The following FYB1 variants were observed in gnomAD, a reference collection of about 807,000 sequenced individuals.
FYB1 encodes FYN binding protein 1.
In FYB1, 41 loss-of-function variants were observed where a neutral mutation model predicts 94.1. The observed-to-expected ratio is 0.44, with a 90% CI of 0.34 to 0.57. FYB1 has a LOEUF of 0.57. FYB1 is among the 20% of genes least tolerant of loss of function. The pLI is 0.02. For synonymous variants in FYB1, 367 were observed against 353.2 expected (o/e 1.04, Z -0.44); for missense variants, 1,050 against 976.8 (o/e 1.07, Z -1.00).
chr5:39,180,523 CA>C (rs1387866074), intron 2 of FYB1, among the ~76,000 whole-genome samples: 1 of 152,158 alleles, frequency 6.6e-6, no homozygotes, highest in Non-Finnish European at 1.5e-5. Flanking sequence ...CTGACCAGAC[CA>C]ACCCAGGAAG....
At chr5:39,263,610 C>T (rs1019369086) in intron 1 of FYB1, among the ~76,000 whole-genome samples, 12 of 152,136 alleles carry the variant, frequency 7.9e-5, no homozygotes, top group Admixed American at 2.6e-4. Flanking sequence ...AACCTTCTAG[C>T]TCCGTTTCCA....
chr5:39,109,390 A>T (rs577359810), intron 17 of FYB1, among the ~76,000 whole-genome samples: 1 of 152,096 alleles, frequency 6.6e-6, no homozygotes, highest in African/African-American at 2.4e-5. Flanking sequence ...AATTCTCTCA[A>T]TCAGCCTGTA....
chr5:39,112,459 A>G (rs956564233), intron 16 of FYB1, among the ~76,000 whole-genome samples: 1 of 152,082 alleles, frequency 6.6e-6, no homozygotes, highest in Non-Finnish European at 1.5e-5. Context: ...AAATTGGAAG[A>G]TAAATTAGAA....
At chr5:39,203,859 C>A (rs571068628) in intron 1 of FYB1, among the ~76,000 whole-genome samples, 1 of 152,218 alleles carries the variant, frequency 6.6e-6, no homozygotes, top group Non-Finnish European at 1.5e-5. Flanking sequence ...AGATAATAGG[C>A]ATTCATTTTT....
intron 2 of FYB1, among the ~76,000 whole-genome samples, chr5:39,175,283 A>G (rs1745618127): frequency 6.6e-6 from 1 of 152,212 alleles, no homozygotes; most frequent in South Asian, 2.1e-4. Context: ...GAGTTTGACA[A>G]CAGCAACTGG....
chr5:39,226,802 T>C (rs2150563737), intron 1 of FYB1, among the ~76,000 whole-genome samples: 1 of 152,336 alleles, frequency 6.6e-6, no homozygotes, highest in African/African-American at 2.4e-5. Context: ...GGCAAACTGC[T>C]ATTGTAACTA....
chr5:39,137,916 C>G (rs928989769), intron 6 of FYB1, 196 bp from the exon 7 acceptor site: 12 of 615,378 alleles, frequency 2.0e-5, no homozygotes, highest in Non-Finnish European at 3.3e-5. Flanking sequence ...GCTGAGGATA[C>G]CTTCCAAAGG....
intron 2 of FYB1, among the ~76,000 whole-genome samples, chr5:39,181,172 TTAAG>T (rs1436280211): frequency 6.6e-6 from 1 of 152,162 alleles, no homozygotes; most frequent in Non-Finnish European, 1.5e-5. Flanking sequence ...GTGGGAAATA[TTAAG>T]TAAGTTTTAG....
intron 1 of FYB1, among the ~76,000 whole-genome samples, chr5:39,244,360 G>A (rs1561303667): frequency 1.3e-5 from 2 of 152,018 alleles, no homozygotes; most frequent in South Asian, 4.1e-4. Flanking sequence ...AAGGACTGTT[G>A]AATTTTGTCA....
Position 39,130,602 on chromosome 5 carries a change from T to G in FYB1, c.1828A>C (p.Ser610Arg). ...EQDDISSHSQSGSGGIFPPPP... is the reference protein window; with the variant it reads ...EQDDISSHSQRGSGGIFPPPP... ...GCGTGTGGCTTACCTCCACTTCCAC[T>G]CTGACTGTGGCTAGAAAAGAAACCC... is the stretch of plus-strand genomic sequence containing the variant. The change falls in exon 10 of 19, where the codon AGT becomes CGT. Residue 610 changes from serine to arginine, a missense_variant. Coordinates refer to ENST00000512982, the MANE Select transcript of FYB1 (RefSeq NM_001465.6). The G allele has an allele frequency of 1.3e-6, 2 of 1,574,812 alleles. No homozygotes were observed. Among genetic ancestry groups the G allele is most frequent in the Non-Finnish European group, 1.7e-6 (2 of 1,157,928 alleles).
At chr5:39,184,049 G>GTATTA (rs1206616751) in intron 2 of FYB1, among the ~76,000 whole-genome samples, 8 of 152,140 alleles carry the variant, frequency 5.3e-5, no homozygotes, top group African/African-American at 1.9e-4. Context: ...GGCAAACCCA[G>GTATTA]TATTATATTA....
chr5:39,200,948 T>C (rs1748257697), intron 2 of FYB1, among the ~76,000 whole-genome samples: 1 of 152,168 alleles, frequency 6.6e-6, no homozygotes, highest in Admixed American at 6.5e-5. Context: ...TTACATGCAG[T>C]CACTCAGTAC....
Position 39,202,341 on chromosome 5 carries a change from T to C in FYB1, c.620A>G (p.Glu207Gly), listed in dbSNP as rs758572237. The C allele has an allele frequency of 6.2e-7, 1 of 1,613,936 alleles. No individual in the cohort carries two copies. The highest frequency in any genetic ancestry group is 1.7e-5 in the Admixed American group (1 of 60,024). Reference sequence around the variant, plus strand: ...GGGGCTTTCGTCTTCATGGGAGTTCTCGGTACTTAGGGGCGGCTTCTGGCC... The same window carrying C: ...GGGGCTTTCGTCTTCATGGGAGTTCCCGGTACTTAGGGGCGGCTTCTGGCC... Reference protein sequence around the residue: ...AFGQKPPLSTENSHEDESPMK... With the variant: ...AFGQKPPLSTGNSHEDESPMK... The change falls in exon 2 of 19, where the codon GAG (glutamate) becomes GGG (glycine). Residue 207 changes from glutamate (E) to glycine (G), a missense_variant. By Grantham distance (98) the Glu-to-Gly change is moderately conservative. Transcript: ENST00000512982.
At chr5:39,167,691 G>T (rs939579657) in intron 2 of FYB1, among the ~76,000 whole-genome samples, 8 of 126,680 alleles carry the variant, frequency 6.3e-5, no homozygotes, top group African/African-American at 2.4e-4. Context: ...GGGCAGTGGT[G>T]GGGGGAAGTG....
intron 2 of FYB1, among the ~76,000 whole-genome samples, chr5:39,195,181 C>G (rs941804748): frequency 2.0e-5 from 3 of 152,132 alleles, no homozygotes; most frequent in Admixed American, 2.0e-4. Flanking sequence ...TTCTTACGTT[C>G]CCAGTGCACA....
At chr5:39,228,887 T>A (rs1750598193) in intron 1 of FYB1, among the ~76,000 whole-genome samples, 1 of 152,218 alleles carries the variant, frequency 6.6e-6, no homozygotes, top group Non-Finnish European at 1.5e-5. Context: ...TTACAGTTGA[T>A]GACCCCTTTG....
chr5:39,200,212 T>C (rs2150489341), intron 2 of FYB1, among the ~76,000 whole-genome samples: 1 of 152,244 alleles, frequency 6.6e-6, no homozygotes, highest in East Asian at 1.9e-4. Context: ...TCTGCCTGGG[T>C]CCCTTGTAGC....
intron 1 of FYB1, among the ~76,000 whole-genome samples, chr5:39,246,037 T>C (rs1393871331): frequency 6.6e-6 from 1 of 152,232 alleles, no homozygotes; most frequent in Non-Finnish European, 1.5e-5. Flanking sequence ...AGCAACTCTG[T>C]TGTTCCAAGA....
At chr5:39,172,106 G>C (rs993499327) in intron 2 of FYB1, among the ~76,000 whole-genome samples, 1 of 152,156 alleles carries the variant, frequency 6.6e-6, no homozygotes, top group Non-Finnish European at 1.5e-5. Context: ...AAAGGGAACA[G>C]AATCAGACAA....
Sources: allele counts gnomAD v4.1 joint callset (sites outside exome capture counted in the v4.1 genomes callset), GRCh38; gene constraint gnomAD v4.1.1; transcripts MANE v1.5; gene names NCBI Gene and HGNC (gene_info 2026-07-23, HGNC 2026-07-21).